PRTG: variants seen among roughly 807,000 people sequenced by gnomAD.
PRTG encodes the protein immunoglobulin superfamily, DCC subclass, member 5.
PRTG carries 67 observed loss-of-function variants against 122.5 expected under a neutral mutation model. The observed-to-expected ratio is 0.55, with a 90% confidence interval of 0.45 to 0.67. The LOEUF is 0.67. Ranked by LOEUF, PRTG falls within the 30% of genes least tolerant of loss-of-function variation. The probability of loss-of-function intolerance (pLI) is 0.00; values close to 1 mark genes in which losing one functional copy is unlikely to be tolerated. For synonymous variants in PRTG, 554 were observed against 501.1 expected, an observed-to-expected ratio of 1.11 and a Z score of -1.41; for missense variants, 1,435 against 1,415.4, an observed-to-expected ratio of 1.01 and a Z score of -0.22.
At position 55,615,859 on chromosome 15, in the gene PRTG, C is replaced by G. The variant is rs1266672842; in HGVS notation, c.*4153G>C. ...TAAAAAATAAATGATATTTTCAATT[C>G]CAAATTCTTGTGACACGATCTGAAT... On this transcript the variant is annotated 3_prime_UTR_variant, in exon 20 of 20. Transcript: ENST00000389286. 1 of 152,042 alleles carries G rather than the reference C, an allele frequency of 6.6e-6. No individual in the cohort carries two copies. The highest frequency in any genetic ancestry group is 6.6e-5 in the Admixed American group (1 of 15,246). 9.4% of individuals were successfully genotyped at this position (152,042 alleles called of 1,614,324 possible). A position where few individuals can be genotyped will look rare whatever the true frequency, so the allele number is the denominator to read the frequency against.
chr15:55,620,071 C>A lies in PRTG; in HGVS notation c.3394G>T (p.Glu1132Ter), dbSNP rs1232765940. The A allele has an allele frequency of 1.2e-6, 2 of 1,614,032 alleles. No homozygotes were observed. The highest frequency in any genetic ancestry group is 1.3e-5 in the African/African-American group (1 of 74,892). ...GACAGATGTATCTCATCGTTGGACT[C>A]ATGAGAAAACCGCCCAGAATCCCCA... is the stretch of plus-strand genomic sequence containing the variant. ...ETGDSGRFSH[E>*]SNDEIHLSSV... The change falls in exon 20 of 20, where the codon GAG (glutamate) becomes TAG (stop). Residue 1132 changes from glutamate (E) to a stop codon, truncating the protein, a stop_gained. Transcript: ENST00000389286. LOFTEE classifies it high-confidence loss of function.
intron 2 of PRTG, among the ~76,000 whole-genome samples, chr15:55,726,131 C>T (rs538219594): frequency 5.9e-5 from 9 of 152,110 alleles, no homozygotes; most frequent in East Asian, 1.9e-4. Flanking sequence ...TTAGTCGAGA[C>T]GGGGTTTCAC....
intron 11 of PRTG, among the ~76,000 whole-genome samples, chr15:55,650,757 G>A (rs145368019): frequency 6.6e-6 from 1 of 152,128 alleles, no homozygotes; most frequent in Non-Finnish European, 1.5e-5. Context: ...TTGAGCTCAG[G>A]AGTTCAAGAC....
At chr15:55,714,199 T>A (rs1014385856) in intron 2 of PRTG, among the ~76,000 whole-genome samples, 2 of 95,278 alleles carry the variant, frequency 2.1e-5, no homozygotes, top group Non-Finnish European at 4.6e-5. Context: ...TTCTATCTAT[T>A]TATCTGTCTC....
chr15:55,698,743 G>C (rs941101594), intron 2 of PRTG, among the ~76,000 whole-genome samples: 41 of 152,218 alleles, frequency 2.7e-4, no homozygotes, highest in Non-Finnish European at 5.4e-4. Flanking sequence ...AAACAATGTG[G>C]CAGTTTAGGT....
intron 2 of PRTG, among the ~76,000 whole-genome samples, chr15:55,692,348 C>T: frequency 6.6e-6 from 1 of 152,030 alleles, no homozygotes; most frequent in East Asian, 1.9e-4. Context: ...GCAGAAGTAA[C>T]AGGAACAAAG....
In PRTG at chr15:55,698,871, G is replaced by T. The variant is rs1296392157; in HGVS notation, c.398-14940C>A. On this transcript the variant is annotated intron_variant, in intron 2 of 19. Coordinates refer to ENST00000389286, the MANE Select transcript of PRTG (RefSeq NM_173814.6). ...TACAGAGAGGGATGGGGAGAGGGGA[G>T]AGAGTGCGGGGGTGGGGGAGATTCA... 4.0e-5 allele frequency among the ~76,000 whole-genome samples: 6 copies of T among 151,800 alleles called. No individual in the cohort carries two copies. In the South Asian group the frequency reaches 1.3e-3, roughly 32 times the overall value.
intron 11 of PRTG, among the ~76,000 whole-genome samples, chr15:55,671,711 G>C (rs930395157): frequency 3.9e-5 from 6 of 152,078 alleles, no homozygotes; most frequent in Non-Finnish European, 8.8e-5. Context: ...ATGTTGGCCA[G>C]GCTGGTCTTG....
chr15:55,741,993 C>A (rs1301176527), intron 1 of PRTG, among the ~76,000 whole-genome samples: 1 of 152,348 alleles, frequency 6.6e-6, no homozygotes, highest in South Asian at 2.1e-4. Context: ...TCACCCCATT[C>A]ACTTTACACT....
intron 15 of PRTG, among the ~76,000 whole-genome samples, chr15:55,634,966 CCAAT>C (rs1395821563): frequency 1.3e-5 from 2 of 152,130 alleles, no homozygotes; most frequent in Non-Finnish European, 2.9e-5. Flanking sequence ...CTTACTCTGC[CCAAT>C]CAGACATTAG....
intron 3 of PRTG, among the ~76,000 whole-genome samples, chr15:55,683,437 C>A (rs1295034014): frequency 6.6e-6 from 1 of 152,138 alleles, no homozygotes; most frequent in Non-Finnish European, 1.5e-5. Flanking sequence ...GCTACCAGGG[C>A]ATACATGAAA....
At chr15:55,623,506 C>T (rs905459772) in intron 18 of PRTG, among the ~76,000 whole-genome samples, 4 of 152,094 alleles carry the variant, frequency 2.6e-5, no homozygotes, top group African/African-American at 9.7e-5. Context: ...GTGGAGGTCA[C>T]AGTGAGCCGA....
At chr15:55,643,093 A>T (rs2059301623) in intron 11 of PRTG, among the ~76,000 whole-genome samples, 1 of 152,098 alleles carries the variant, frequency 6.6e-6, no homozygotes, top group Non-Finnish European at 1.5e-5. Flanking sequence ...TAACTAAATA[A>T]AATTCCAGAA....
chr15:55,624,140 T>G (rs1014625831), intron 18 of PRTG, among the ~76,000 whole-genome samples: 1 of 152,078 alleles, frequency 6.6e-6, no homozygotes, highest in South Asian at 2.1e-4. Context: ...TATTATGGCA[T>G]CTTTCTCACC....
At chr15:55,664,309 T>C (rs1378150590) in intron 11 of PRTG, among the ~76,000 whole-genome samples, 1 of 151,902 alleles carries the variant, frequency 6.6e-6, no homozygotes, top group Non-Finnish European at 1.5e-5. Context: ...GCCCAGCTAA[T>C]TTTTGTTATT....
chr15:55,647,153 G>A (rs535142696), intron 11 of PRTG, among the ~76,000 whole-genome samples: 12 of 152,188 alleles, frequency 7.9e-5, no homozygotes, highest in African/African-American at 2.2e-4. Flanking sequence ...GGTGGTGGGC[G>A]CCTGTAATCC....
chr15:55,741,031 G>T (rs1352722258), intron 1 of PRTG, among the ~76,000 whole-genome samples: 1 of 152,180 alleles, frequency 6.6e-6, no homozygotes, highest in African/African-American at 2.4e-5. Context: ...AAAAGATCTT[G>T]AACAGAGTAA....
At chr15:55,627,958 T>C (rs1023446070) in intron 16 of PRTG, among the ~76,000 whole-genome samples, 1 of 152,146 alleles carries the variant, frequency 6.6e-6, no homozygotes, top group East Asian at 1.9e-4. Flanking sequence ...GCCATGCTGC[T>C]GGGCTCTAGA....
chr15:55,638,726 T>A, intron 13 of PRTG, 50 bp from the exon 14 acceptor site: 1 of 1,519,708 alleles, frequency 6.6e-7, no homozygotes. Flanking sequence ...TAATATTGTT[T>A]GTAAAAGAAT....
Sources: allele counts gnomAD v4.1 joint callset (sites outside exome capture counted in the v4.1 genomes callset), GRCh38; gene constraint gnomAD v4.1.1; transcripts MANE v1.5; gene names NCBI Gene and HGNC (gene_info 2026-07-23, HGNC 2026-07-21).